RGS7: variants seen among roughly 807,000 people sequenced by gnomAD.
RGS7 encodes the protein regulator of G protein signaling 7, also known as regulator of G-protein signaling 7.
A neutral mutation model predicts 81.1 loss-of-function variants in RGS7; 27 were observed. The ratio of observed to expected loss-of-function variants is 0.33; its 90% CI spans 0.25 to 0.46. The LOEUF is 0.46. Ranked by LOEUF, RGS7 falls within the 20% of genes least tolerant of loss-of-function variation. The pLI, the probability that RGS7 is intolerant of heterozygous loss-of-function variation, is 1.00. For missense variants in RGS7, 396 were observed against 607.4 expected (o/e 0.65, Z 3.66); for synonymous variants, 208 against 207.7 (o/e 1.00, Z -0.01).
At chr1:241,263,135 G>A (rs1460193238) in intron 2 of RGS7, among the ~76,000 whole-genome samples, 1 of 151,386 alleles carries the variant, frequency 6.6e-6, no homozygotes, top group Non-Finnish European at 1.5e-5. Flanking sequence ...AAATTAGCCG[G>A]GCATGGTGGC....
At chr1:241,251,825 A>G (rs955823881) in intron 2 of RGS7, among the ~76,000 whole-genome samples, 2 of 151,820 alleles carry the variant, frequency 1.3e-5, no homozygotes, top group Non-Finnish European at 2.9e-5. Context: ...TTTTTCAAGA[A>G]TGTGTACTCA....
intron 4 of RGS7, among the ~76,000 whole-genome samples, chr1:240,965,773 A>G (rs148206123): frequency 0.01 from 1,530 of 152,298 alleles, 22 homozygotes; most frequent in African/African-American, 0.033. Context: ...GACAGACAAG[A>G]AACTGGATAA....
At chr1:240,933,143 A>G (rs1443596855) in intron 5 of RGS7, among the ~76,000 whole-genome samples, 5 of 151,254 alleles carry the variant, frequency 3.3e-5, no homozygotes, top group South Asian at 2.1e-4. Flanking sequence ...CGGCCCCACA[A>G]AGTGCTGGGA....
chr1:241,101,883 C>T (rs1366598127), intron 2 of RGS7, among the ~76,000 whole-genome samples: 1 of 152,188 alleles, frequency 6.6e-6, no homozygotes, highest in Non-Finnish European at 1.5e-5. Flanking sequence ...CTGCTTCGGG[C>T]TGAATTTAGG....
intron 6 of RGS7, 142 bp from the exon 7 acceptor site, chr1:240,870,261 T>C (rs138698532): frequency 1.4e-5 from 10 of 724,314 alleles, no homozygotes; most frequent in African/African-American, 8.7e-5. Flanking sequence ...AAAATAATTA[T>C]GTAATAACAT....
intron 2 of RGS7, among the ~76,000 whole-genome samples, chr1:241,221,180 GAA>G (rs1001079884): frequency 1.2e-4 from 18 of 144,224 alleles, no homozygotes; most frequent in African/African-American, 3.9e-4. Flanking sequence ...GGGGAAAAAA[GAA>G]AGAGAGAAAG....
In RGS7 at chr1:240,868,150, G is replaced by GAAAGAAAGAA. The variant is rs1663777628; in HGVS notation, c.609+436_609+437insTTCTTTCTTT. Among the ~76,000 whole-genome samples, 1 of 99,546 alleles carries GAAAGAAAGAA rather than the reference G, an allele frequency of 1.0e-5. No individual in the cohort carries two copies. Among genetic ancestry groups the GAAAGAAAGAA allele is most frequent in the Non-Finnish European group, 1.8e-5 (1 of 54,414 alleles). The allele number at this position is 99,546 out of a possible 152,430, so 65.3% of individuals were successfully genotyped here. Reference sequence around the variant, plus strand: ...AGAAAGAAAGAAAGAAAGAAAGAAAGAAAGAAAGGACGGAGGGAGGGAAGG... The same window carrying GAAAGAAAGAA: ...AGAAAGAAAGAAAGAAAGAAAGAAAGAAAGAAAGAAAAAGAAAGGACGGAGGGAGGGAAGG... On this transcript the variant is annotated intron_variant, in intron 9 of 18. Transcript: ENST00000440928. This position sits in a 1 kb window ranked among gnomAD's most constrained non-coding sequence, Gnocchi z 5.1.
chr1:241,227,072 G>A (rs544339420), intron 2 of RGS7, among the ~76,000 whole-genome samples: 2 of 152,326 alleles, frequency 1.3e-5, no homozygotes, highest in East Asian at 3.9e-4. Context: ...AGGTTGGCTG[G>A]CTCTGATGAG....
intron 2 of RGS7, among the ~76,000 whole-genome samples, chr1:241,106,743 A>C (rs1266101491): frequency 1.1e-3 from 105 of 95,930 alleles, no homozygotes; most frequent in African/African-American, 3.9e-3. Flanking sequence ...AAAAAAACCA[A>C]CACCACCACC....
intron 2 of RGS7, among the ~76,000 whole-genome samples, chr1:241,150,626 T>C (rs1423427737): frequency 6.6e-6 from 1 of 152,214 alleles, no homozygotes; most frequent in Non-Finnish European, 1.5e-5. Flanking sequence ...GACATCTTGA[T>C]ATGTAGCCCC....
At chr1:241,235,425 G>A (rs79261869) in intron 2 of RGS7, among the ~76,000 whole-genome samples, 23,586 of 152,100 alleles carry the variant, frequency 0.16, 2,275 homozygotes, top group Non-Finnish European at 0.2. Context: ...GAACAGGCAG[G>A]AACCAGGCAG....
rs531747963 is a variant in RGS7, at chr1:241,279,599, A to G, written c.78+76100T>C. On this transcript the variant is annotated intron_variant, in intron 2 of 18. Transcript: ENST00000440928. ...CCTCTTCCAATGCTAACATCTTGCA[A>G]AAGTATAGTAAAATATCACAACCAG... is the stretch of plus-strand genomic sequence containing the variant. 4.7e-4 allele frequency among the ~76,000 whole-genome samples: 71 copies of G among 152,344 alleles called. 1 individual carries two copies. Among genetic ancestry groups the G allele is most frequent in the Admixed American group, 2.1e-3 (32 of 15,310 alleles).
intron 2 of RGS7, among the ~76,000 whole-genome samples, chr1:241,223,440 C>T (rs144902545): frequency 3.7e-4 from 56 of 152,226 alleles, no homozygotes; most frequent in African/African-American, 1.2e-3. Flanking sequence ...ATATTGCATT[C>T]AATTCCCAGA....
At chr1:241,105,896 G>A (rs773862400) in intron 2 of RGS7, among the ~76,000 whole-genome samples, 5 of 152,210 alleles carry the variant, frequency 3.3e-5, no homozygotes, top group Admixed American at 1.3e-4. Flanking sequence ...TAAGTGGGCA[G>A]ATTGAATGGC....
At chr1:241,165,458 T>C (rs1329088728) in intron 2 of RGS7, among the ~76,000 whole-genome samples, 1 of 151,946 alleles carries the variant, frequency 6.6e-6, no homozygotes, top group African/African-American at 2.4e-5. Flanking sequence ...CCATAAAAAA[T>C]GATGAGTTCA....
chr1:241,315,368 A>G (rs1408713006), intron 2 of RGS7, among the ~76,000 whole-genome samples: 2 of 152,024 alleles, frequency 1.3e-5, no homozygotes, highest in Non-Finnish European at 1.5e-5. Context: ...CTGATATCTG[A>G]TAATAGCTAA....
In RGS7 at chr1:241,215,166, C is replaced by G. The variant is rs79247434; in HGVS notation, c.79-116404G>C. Among the ~76,000 whole-genome samples the G allele has an allele frequency of 6.5e-3, 992 of 152,224 alleles. 10 individuals carry two copies. The highest frequency in any genetic ancestry group is 0.023 in the African/African-American group (945 of 41,532). The stretch of plus-strand genomic sequence containing the variant: ...TCTTTGAAGAGTATTGAGTCTTGTA[C>G]TAGCAGGCAATTAAATTACTAATGA... On this transcript the variant is annotated intron_variant, in intron 2 of 18. Transcript: ENST00000440928.
intron 2 of RGS7, among the ~76,000 whole-genome samples, chr1:241,277,454 C>T (rs550431738): frequency 5.6e-4 from 85 of 152,070 alleles, no homozygotes; most frequent in African/African-American, 2.0e-3. Context: ...CCTGTCTCTA[C>T]TAAAAATACA....
chr1:240,857,221 A>G (rs940577076), intron 9 of RGS7, among the ~76,000 whole-genome samples: 1 of 151,486 alleles, frequency 6.6e-6, no homozygotes, highest in African/African-American at 2.4e-5. Context: ...TTTTTTTGTT[A>G]TGTCATGGAC....
Sources: gnomAD v4.1 joint callset for allele counts (sites outside exome capture counted in the v4.1 genomes callset) on GRCh38, gnomAD v4.1.1 for gene constraint, Gnocchi (gnomAD v3.1) non-coding constraint, MANE v1.5 for transcripts, NCBI Gene and HGNC (gene_info 2026-07-23, HGNC 2026-07-21) for gene names.